Variants in JARID2 observed in about 807,000 individuals in gnomAD.
The protein encoded by JARID2 is jumonji and AT-rich interaction domain containing 2.
Under a neutral mutation model 125.6 loss-of-function variants are expected in JARID2, and 21 were observed. The ratio of observed to expected loss-of-function variants is 0.17; its 90% CI spans 0.12 to 0.24. The LOEUF (loss-of-function observed/expected upper bound fraction) is 0.24, where lower values mean the gene tolerates loss of function less well. Among genes scored for constraint, JARID2 ranks in the 10% least tolerant of loss-of-function variants. The pLI is 1.00. For synonymous variants in JARID2, 736 were observed against 661.6 expected, an observed-to-expected ratio of 1.11 and a Z score of -1.73; for missense variants, 1,303 against 1,639.6, an observed-to-expected ratio of 0.79 and a Z score of 3.55.
chr6:15,512,112 G>T, intron 13 of JARID2, 96 bp from the exon 14 acceptor site: 1 of 989,256 alleles, frequency 1.0e-6, no homozygotes. Context: ...TTATCTCCTT[G>T]AGAGCAGGCC....
At chr6:15,502,087 T>C (rs1770767107) in intron 8 of JARID2, among the ~76,000 whole-genome samples, 1 of 152,230 alleles carries the variant, frequency 6.6e-6, no homozygotes, top group Non-Finnish European at 1.5e-5. Context: ...TCACACGCTG[T>C]GGAGGGAAGA....
At chr6:15,467,803 C>A (rs903368516) in intron 4 of JARID2, among the ~76,000 whole-genome samples, 4 of 151,964 alleles carry the variant, frequency 2.6e-5, no homozygotes, top group Non-Finnish European at 5.9e-5. Context: ...CAGAGTGAGA[C>A]CCTTTCTAGA....
At position 15,372,551 on chromosome 6, in the gene JARID2, A is replaced by G. The variant is rs191807093; in HGVS notation, c.46-1566A>G. Among the ~76,000 whole-genome samples, 6 of 151,924 alleles carry G rather than the reference A, an allele frequency of 3.9e-5. No homozygotes were observed. The East Asian group carries it at 1.2e-3, about 30-fold the overall frequency. ...ATTTTTGTAGTTTTTTAGTAGAGACAGGGTTTCAACATGTTGGCCAGGTTG... is the reference window on the plus strand; with the variant it reads ...ATTTTTGTAGTTTTTTAGTAGAGACGGGGTTTCAACATGTTGGCCAGGTTG... On this transcript the variant is annotated intron_variant, in intron 1 of 17. Coordinates refer to ENST00000341776, the MANE Select transcript of JARID2 (RefSeq NM_004973.4).
intron 1 of JARID2, among the ~76,000 whole-genome samples, chr6:15,339,574 T>A (rs1762997828): frequency 6.6e-6 from 1 of 150,898 alleles, no homozygotes; most frequent in Admixed American, 6.6e-5. Context: ...TCGCTCTTGT[T>A]ACCCAGGCCG....
intron 5 of JARID2, among the ~76,000 whole-genome samples, chr6:15,477,559 A>G (rs1407112946): frequency 2.0e-5 from 3 of 147,590 alleles, no homozygotes; most frequent in Non-Finnish European, 4.5e-5. Flanking sequence ...GACCAGTTAT[A>G]CAATGTATGT....
At chr6:15,487,564 T>C in intron 6 of JARID2, 22 bp downstream of exon 6, 1 of 1,554,562 alleles carries the variant, frequency 6.4e-7, no homozygotes, top group South Asian at 1.2e-5. Flanking sequence ...CAGGGGTGCC[T>C]ACATGTGTGC....
intron 1 of JARID2, among the ~76,000 whole-genome samples, chr6:15,256,944 C>T (rs746181610): frequency 5.9e-5 from 9 of 152,172 alleles, no homozygotes; most frequent in Admixed American, 1.3e-4. Flanking sequence ...GGGAGGGAAT[C>T]GGTATGAATC....
At chr6:15,474,025 G>A (rs1003427323) in intron 5 of JARID2, among the ~76,000 whole-genome samples, 2 of 152,208 alleles carry the variant, frequency 1.3e-5, no homozygotes, top group Non-Finnish European at 2.9e-5. Context: ...CTCAGTAGCT[G>A]GCTAGCTGTG....
intron 12 of JARID2, among the ~76,000 whole-genome samples, chr6:15,511,041 C>G (rs763872158): frequency 9.9e-5 from 15 of 152,234 alleles, no homozygotes; most frequent in Non-Finnish European, 2.2e-4. Flanking sequence ...TGGGTCAGAT[C>G]TCCATAAAAG....
chr6:15,370,175 G>C (rs932744784), intron 1 of JARID2, among the ~76,000 whole-genome samples: 2 of 151,836 alleles, frequency 1.3e-5, no homozygotes, highest in Non-Finnish European at 2.9e-5. Flanking sequence ...TTAGGAGCTG[G>C]GATACAGTGG....
chr6:15,292,475 T>C (rs887203346), intron 1 of JARID2, among the ~76,000 whole-genome samples: 2 of 152,158 alleles, frequency 1.3e-5, no homozygotes, highest in Non-Finnish European at 2.9e-5. Context: ...TTATCAAATA[T>C]GGAATCTCTG....
intron 1 of JARID2, among the ~76,000 whole-genome samples, chr6:15,332,326 C>T (rs1561797113): frequency 6.6e-6 from 1 of 152,156 alleles, no homozygotes; most frequent in Admixed American, 6.6e-5. Flanking sequence ...ACATGCCAGA[C>T]AATTCTTTTA....
At chr6:15,268,327 A>G (rs768099663) in intron 1 of JARID2, among the ~76,000 whole-genome samples, 3 of 152,238 alleles carry the variant, frequency 2.0e-5, no homozygotes, top group Non-Finnish European at 4.4e-5. Flanking sequence ...ATTTGCCAAA[A>G]TGCTTGTCAT....
intron 1 of JARID2, among the ~76,000 whole-genome samples, chr6:15,299,237 G>C (rs1561778625): frequency 6.6e-6 from 1 of 152,328 alleles, no homozygotes; most frequent in East Asian, 1.9e-4. Flanking sequence ...AAAGAACGTT[G>C]AGTGTAGTTT....
At chr6:15,358,699 G>C (rs541220866) in intron 1 of JARID2, among the ~76,000 whole-genome samples, 1 of 152,188 alleles carries the variant, frequency 6.6e-6, no homozygotes, top group Non-Finnish European at 1.5e-5. Context: ...AAGCCATTCC[G>C]TGTGCTCTGT....
chr6:15,266,003 A>G (rs550163586), intron 1 of JARID2, among the ~76,000 whole-genome samples: 1 of 152,258 alleles, frequency 6.6e-6, no homozygotes, highest in East Asian at 1.9e-4. Context: ...CAGCTGGAAA[A>G]GGTCCCAAAG....
At chr6:15,476,536 C>T (rs1769350700) in intron 5 of JARID2, among the ~76,000 whole-genome samples, 1 of 152,194 alleles carries the variant, frequency 6.6e-6, no homozygotes, top group South Asian at 2.1e-4. Flanking sequence ...ACACAGGACT[C>T]TAATGTGCTC....
At chr6:15,457,363 G>C (rs535301923) in intron 4 of JARID2, among the ~76,000 whole-genome samples, 1 of 152,254 alleles carries the variant, frequency 6.6e-6, no homozygotes, top group East Asian at 1.9e-4. Flanking sequence ...TCCTAATTCT[G>C]TTCTTTTTTC....
intron 1 of JARID2, among the ~76,000 whole-genome samples, chr6:15,285,174 G>A (rs1297255514): frequency 3.6e-5 from 5 of 140,538 alleles, no homozygotes; most frequent in Admixed American, 1.5e-4. Flanking sequence ...GCAATGGCAC[G>A]ATCTTGGCTC....
Sources: allele counts gnomAD v4.1 joint callset (sites outside exome capture counted in the v4.1 genomes callset), GRCh38; gene constraint gnomAD v4.1.1; transcripts MANE v1.5; gene names NCBI Gene and HGNC (gene_info 2026-07-23, HGNC 2026-07-21).